The following CSMD1 variants were observed in gnomAD, a reference collection of about 807,000 sequenced individuals.
CSMD1 encodes CUB and Sushi multiple domains 1.
CSMD1 carries 213 observed loss-of-function variants against 417.5 expected under a neutral mutation model. The ratio of observed to expected loss-of-function variants is 0.51; its 90% CI spans 0.46 to 0.57. The LOEUF is 0.57. Among genes scored for constraint, CSMD1 ranks in the 20% least tolerant of loss-of-function variants. The pLI, the probability that CSMD1 is intolerant of heterozygous loss-of-function variation, is 0.00. For synonymous variants in CSMD1, 2,862 were observed against 1,736.8 expected (o/e 1.65, Z -16.11); for missense variants, 6,923 against 4,529.7 (o/e 1.53, Z -15.17).
At chr8:3,894,932 G>A (rs925519671) in intron 5 of CSMD1, among the ~76,000 whole-genome samples, 7 of 152,140 alleles carry the variant, frequency 4.6e-5, no homozygotes, top group African/African-American at 1.7e-4. Flanking sequence ...GTACCATACA[G>A]ATGACAATTT....
chr8:3,206,531 GTA>G (rs1797288926), intron 30 of CSMD1, among the ~76,000 whole-genome samples: 4 of 134,028 alleles, frequency 3.0e-5, no homozygotes, highest in African/African-American at 8.5e-5. Context: ...GCGTGTGTAT[GTA>G]TGTGTGTGTG....
At chr8:4,192,539 G>A (rs552276875) in intron 3 of CSMD1, among the ~76,000 whole-genome samples, 18 of 152,152 alleles carry the variant, frequency 1.2e-4, no homozygotes, top group African/African-American at 2.7e-4. Context: ...CAGCAACAGG[G>A]GCTTTTATCT....
chr8:3,650,002 G>C (rs566625870), intron 7 of CSMD1, among the ~76,000 whole-genome samples: 3 of 152,184 alleles, frequency 2.0e-5, no homozygotes, highest in South Asian at 2.1e-4. Context: ...AATGAGGCTG[G>C]GCCTGGTGGC....
chr8:3,913,279 G>T (rs1211791829), intron 5 of CSMD1, among the ~76,000 whole-genome samples: 1 of 152,104 alleles, frequency 6.6e-6, no homozygotes, highest in Non-Finnish European at 1.5e-5. Flanking sequence ...CCATGGGGAG[G>T]TTTTTGTCAA....
intron 3 of CSMD1, among the ~76,000 whole-genome samples, chr8:4,105,862 C>A (rs185150465): frequency 6.6e-6 from 1 of 152,304 alleles, no homozygotes; most frequent in Non-Finnish European, 1.5e-5. Flanking sequence ...CTTCCCGGGA[C>A]AACAGAGCAG....
chr8:3,494,134 T>C (rs989668832), intron 10 of CSMD1, among the ~76,000 whole-genome samples: 4 of 152,240 alleles, frequency 2.6e-5, no homozygotes, highest in African/African-American at 7.2e-5. Flanking sequence ...TTTTTAAAGT[T>C]CTATATGCAT....
intron 2 of CSMD1, among the ~76,000 whole-genome samples, chr8:4,455,043 A>G (rs755256382): frequency 5.3e-5 from 8 of 152,122 alleles, no homozygotes; most frequent in African/African-American, 1.2e-4. Context: ...CATCAACACA[A>G]TATCACCATG....
At chr8:3,692,764 G>T (rs1013717905) in intron 7 of CSMD1, among the ~76,000 whole-genome samples, 1 of 152,050 alleles carries the variant, frequency 6.6e-6, no homozygotes, top group African/African-American at 2.4e-5. Context: ...CTTTTCTGAG[G>T]CCCATGTGCC....
Position 4,718,266 on chromosome 8 carries a change from C to CA in CSMD1, c.86-80709dup, listed in dbSNP as rs563711448. 2.0e-3 allele frequency among the ~76,000 whole-genome samples: 301 copies of CA among 152,306 alleles called. 4 individuals carry two copies. The highest frequency in any genetic ancestry group is 7.0e-3 in the African/African-American group (293 of 41,572). On this transcript the variant is annotated intron_variant, in intron 1 of 69. Coordinates refer to ENST00000635120, the MANE Select transcript of CSMD1 (RefSeq NM_033225.6). The stretch of plus-strand genomic sequence containing the variant: ...TGTTGGGATTACAGGTGTGAGCCAC[C>CA]ATGCTAAACCATACAAATCTATCAA...
At chr8:4,089,437 T>G (rs919915466) in intron 3 of CSMD1, among the ~76,000 whole-genome samples, 1 of 152,190 alleles carries the variant, frequency 6.6e-6, no homozygotes, top group Non-Finnish European at 1.5e-5. Flanking sequence ...GTCATTATTT[T>G]TCACTCATTT....
chr8:4,779,710 T>C (rs1308936736), intron 1 of CSMD1, among the ~76,000 whole-genome samples: 1 of 152,104 alleles, frequency 6.6e-6, no homozygotes, highest in East Asian at 1.9e-4. Flanking sequence ...CAGACACGAA[T>C]GTATAAAACC....
At chr8:2,985,752 A>C (rs1805839725) in intron 54 of CSMD1, among the ~76,000 whole-genome samples, 1 of 152,114 alleles carries the variant, frequency 6.6e-6, no homozygotes, top group African/African-American at 2.4e-5. Context: ...AGGCCTTAAG[A>C]AGTTGCTTTG....
rs1673239 is a variant in CSMD1 at position 4,763,182 on chromosome 8, A to C, written c.86-125624T>G. Among the ~76,000 whole-genome samples, 4 of 152,096 alleles carry C rather than the reference A, an allele frequency of 2.6e-5. No homozygotes were observed. The South Asian group carries it at 6.2e-4, about 24-fold the overall frequency. On this transcript the variant is annotated intron_variant, in intron 1 of 69. Transcript: ENST00000635120. ...GTCAACGATCAATTTAACAGCTTAAAGATCTGGGGGTAGAATTGACTTCAA... is the reference window on the plus strand; with the variant it reads ...GTCAACGATCAATTTAACAGCTTAACGATCTGGGGGTAGAATTGACTTCAA...
At chr8:4,446,602 G>T (rs974840726) in intron 2 of CSMD1, among the ~76,000 whole-genome samples, 1 of 152,104 alleles carries the variant, frequency 6.6e-6, no homozygotes, top group African/African-American at 2.4e-5. Flanking sequence ...CACCCAGGCT[G>T]CAGTGCAGCA....
chr8:4,662,020 A>G (rs1804639328), intron 1 of CSMD1, among the ~76,000 whole-genome samples: 1 of 152,200 alleles, frequency 6.6e-6, no homozygotes, highest in Non-Finnish European at 1.5e-5. Flanking sequence ...GAACAATTAT[A>G]TCATGGACAT....
At chr8:4,868,494 C>T (rs1442139244) in intron 1 of CSMD1, among the ~76,000 whole-genome samples, 1 of 151,884 alleles carries the variant, frequency 6.6e-6, no homozygotes, top group Non-Finnish European at 1.5e-5. Context: ...CCTCGGTCTC[C>T]CAAAGTGCTA....
At chr8:3,420,490 G>A (rs1187289915) in intron 12 of CSMD1, among the ~76,000 whole-genome samples, 1 of 148,708 alleles carries the variant, frequency 6.7e-6, no homozygotes, top group African/African-American at 2.4e-5. Flanking sequence ...TTTCCATGTT[G>A]TGATGCATGT....
chr8:3,682,633 G>C (rs1288189438), intron 7 of CSMD1, among the ~76,000 whole-genome samples: 2 of 152,152 alleles, frequency 1.3e-5, no homozygotes, highest in African/African-American at 4.8e-5. Flanking sequence ...AGACAGTGTG[G>C]TGATTCCTCA....
At chr8:4,936,637 T>G (rs1422571220) in intron 1 of CSMD1, among the ~76,000 whole-genome samples, 1 of 152,214 alleles carries the variant, frequency 6.6e-6, no homozygotes, top group Non-Finnish European at 1.5e-5. Flanking sequence ...GGGGATGCAT[T>G]TTAATTCAAG....
Sources: allele counts gnomAD v4.1 joint callset (sites outside exome capture counted in the v4.1 genomes callset), GRCh38; gene constraint gnomAD v4.1.1; transcripts MANE v1.5; gene names NCBI Gene and HGNC (gene_info 2026-07-23, HGNC 2026-07-21).